Variants in AOPEP observed in about 807,000 individuals in gnomAD.
The protein encoded by AOPEP is aminopeptidase O (putative), also known as aminopeptidase O.
In AOPEP, 77 loss-of-function variants were observed where a neutral mutation model predicts 98.1. The ratio of observed to expected loss-of-function variants is 0.78; its 90% CI spans 0.65 to 0.95. AOPEP has a LOEUF of 0.95. AOPEP is among the 40% of genes least tolerant of loss of function. AOPEP has a pLI of 0.00. For synonymous variants in AOPEP, 346 were observed against 365.3 expected, an observed-to-expected ratio of 0.95 and a Z score of 0.60; for missense variants, 1,024 against 1,024.7, an observed-to-expected ratio of 1.00 and a Z score of 0.01.
Position 95,020,877 on chromosome 9 carries a change from C to T in AOPEP, c.2115+15261C>T, listed in dbSNP as rs577750864. 9.9e-5 allele frequency among the ~76,000 whole-genome samples: 14 copies of T among 141,554 alleles called. No individual in the cohort carries two copies. The South Asian group carries it at 2.9e-3, about 29-fold the overall frequency. 92.9% of individuals were successfully genotyped at this position (141,554 alleles called of 152,430 possible). ...AGGTTGCAGTTAAGCCGAGATTGCG[C>T]CACTGTACTCCAGCCTGGGCAACAG... On this transcript the variant is annotated intron_variant, in intron 13 of 16. Transcript: ENST00000375315.
intron 13 of AOPEP, among the ~76,000 whole-genome samples, chr9:95,022,546 A>G (rs879323705): frequency 3.9e-5 from 6 of 152,004 alleles, no homozygotes; most frequent in Admixed American, 6.6e-5. Flanking sequence ...TCACCGTGTT[A>G]GCCAGGATGG....
the AOPEP span, among the ~76,000 whole-genome samples, chr9:95,147,965 A>G: frequency 3.3e-5 from 5 of 152,168 alleles, no homozygotes; most frequent in Admixed American, 6.5e-5. Flanking sequence ...AAAGTACTGA[A>G]TAACTATTTT....
intron 10 of AOPEP, among the ~76,000 whole-genome samples, chr9:94,973,049 T>C (rs955861938): frequency 2.6e-5 from 4 of 152,184 alleles, no homozygotes; most frequent in Admixed American, 6.5e-5. Context: ...CAGATGTAAA[T>C]TGAATTCCAG....
the AOPEP span, chr9:95,149,955 C>T: frequency 9.3e-6 from 15 of 1,611,044 alleles, no homozygotes; most frequent in Admixed American, 1.7e-5. Context: ...CCTCAAAGAA[C>T]TCTGGCTGGA....
intron 15 of AOPEP, 149 bp downstream of exon 15, chr9:95,080,929 G>C (rs997283368): frequency 1.2e-4 from 77 of 644,326 alleles, no homozygotes; most frequent in Non-Finnish European, 2.0e-4. Context: ...GCCTAACACT[G>C]ATTTTTCTGA....
chr9:94,817,460 A>G (rs563411918), intron 5 of AOPEP, among the ~76,000 whole-genome samples: 49 of 152,308 alleles, frequency 3.2e-4, no homozygotes, highest in African/African-American at 1.1e-3. Flanking sequence ...GGCCAGCTCC[A>G]TGGCCATGCC....
At chr9:95,032,666 G>T (rs2064421937) in intron 13 of AOPEP, among the ~76,000 whole-genome samples, 1 of 152,194 alleles carries the variant, frequency 6.6e-6, no homozygotes, top group Non-Finnish European at 1.5e-5. Flanking sequence ...TACTTCACCT[G>T]CAACAGAGCC....
the AOPEP span, among the ~76,000 whole-genome samples, chr9:95,109,947 G>A: frequency 2.6e-5 from 4 of 152,118 alleles, no homozygotes; most frequent in Non-Finnish European, 5.9e-5. Context: ...TTCCCAGGAC[G>A]CCACATACAC....
chr9:95,061,726 C>T (rs186071819), intron 14 of AOPEP, among the ~76,000 whole-genome samples: 6 of 152,148 alleles, frequency 3.9e-5, no homozygotes, highest in Admixed American at 3.9e-4. Context: ...GAGAAAAGCC[C>T]GTTCCTTATT....
At chr9:94,773,594 T>C (rs893085670) in intron 3 of AOPEP, among the ~76,000 whole-genome samples, 2 of 152,204 alleles carry the variant, frequency 1.3e-5, no homozygotes, top group Non-Finnish European at 1.5e-5. Context: ...TGGAGTTGTC[T>C]TAATGAAGCA....
the AOPEP span, chr9:95,107,660 C>T: frequency 2.6e-6 from 1 of 382,424 alleles, no homozygotes; most frequent in African/African-American, 2.1e-5. Flanking sequence ...CAGACCTCCG[C>T]CGAGCCAGTG....
At chr9:94,932,268 T>A (rs1176440496) in intron 7 of AOPEP, 1 of 984,830 alleles carries the variant, frequency 1.0e-6, no homozygotes, top group East Asian at 1.1e-4. Context: ...TGTCTTATTA[T>A]TTTAAAAGAC....
chr9:95,027,670 G>C (rs892897257), intron 13 of AOPEP, among the ~76,000 whole-genome samples: 1 of 152,128 alleles, frequency 6.6e-6, no homozygotes, highest in Non-Finnish European at 1.5e-5. Context: ...AGCTTTTAAG[G>C]ATTCTTTATT....
At chr9:95,008,214 C>T (rs1417641242) in intron 13 of AOPEP, among the ~76,000 whole-genome samples, 1 of 152,150 alleles carries the variant, frequency 6.6e-6, no homozygotes, top group Non-Finnish European at 1.5e-5. Context: ...GCCTCCAGCC[C>T]CGAAGGGTCT....
At chr9:94,891,179 CTT>C (rs2048836673) in intron 5 of AOPEP, among the ~76,000 whole-genome samples, 1 of 152,148 alleles carries the variant, frequency 6.6e-6, no homozygotes, top group Admixed American at 6.5e-5. Context: ...TAATGTTTGT[CTT>C]TTTTACTTTT....
At chr9:94,766,871 T>A (rs1291991733) in intron 2 of AOPEP, among the ~76,000 whole-genome samples, 1 of 152,176 alleles carries the variant, frequency 6.6e-6, no homozygotes, top group Non-Finnish European at 1.5e-5. Flanking sequence ...GTTAGCAAAA[T>A]CCTAAGGAGA....
At chr9:95,107,161 T>A in the AOPEP span, 2 of 1,614,166 alleles carry the variant, frequency 1.2e-6, no homozygotes, top group Non-Finnish European at 1.7e-6. Context: ...GCAGGAGCTC[T>A]GAGGTCTGTG....
chr9:94,997,162 G>T (rs2061296464), intron 11 of AOPEP, among the ~76,000 whole-genome samples: 1 of 152,156 alleles, frequency 6.6e-6, no homozygotes, highest in Non-Finnish European at 1.5e-5. Context: ...TCAGATATCT[G>T]CCCATTGTTG....
At chr9:94,737,258 C>G (rs1831994869) in intron 1 of AOPEP, among the ~76,000 whole-genome samples, 1 of 152,022 alleles carries the variant, frequency 6.6e-6, no homozygotes, top group Non-Finnish European at 1.5e-5. Context: ...GCACATGCCA[C>G]CATGCCTGGT....
Sources: gnomAD v4.1 joint callset for allele counts (sites outside exome capture counted in the v4.1 genomes callset) on GRCh38, gnomAD v4.1.1 for gene constraint, MANE v1.5 for transcripts, NCBI Gene and HGNC (gene_info 2026-07-23, HGNC 2026-07-21) for gene names.